The following TMTC1 variants were observed in gnomAD, a reference collection of about 807,000 sequenced individuals.
TMTC1 encodes the protein transmembrane O-mannosyltransferase targeting cadherins 1.
Under a neutral mutation model 104.8 loss-of-function variants are expected in TMTC1, and 73 were observed. The observed-to-expected ratio is 0.70, with a 90% CI of 0.58 to 0.85. TMTC1 has a LOEUF of 0.85. Among genes scored for constraint, TMTC1 ranks in the 40% least tolerant of loss-of-function variants. The pLI is 0.00. For missense variants in TMTC1, 1,035 were observed against 1,096.1 expected, an observed-to-expected ratio of 0.94 and a Z score of 0.79; for synonymous variants, 434 against 428.7, an observed-to-expected ratio of 1.01 and a Z score of -0.15.
intron 12 of TMTC1, 140 bp downstream of exon 12, chr12:29,520,478 G>A (rs746266966): frequency 4.2e-5 from 29 of 689,418 alleles, no homozygotes; most frequent in South Asian, 3.9e-4. Context: ...TGACAGCCCC[G>A]AGGTATAATG....
chr12:29,711,297 A>G (rs987129998), intron 5 of TMTC1, among the ~76,000 whole-genome samples: 1 of 152,138 alleles, frequency 6.6e-6, no homozygotes, highest in African/African-American at 2.4e-5. Flanking sequence ...TGTTTTTAAC[A>G]GGTAAGAAAG....
intron 5 of TMTC1, chr12:29,666,384 ATT>A (rs1376039384): frequency 3.3e-6 from 1 of 302,340 alleles, no homozygotes; most frequent in South Asian, 2.7e-5. Context: ...TGCCTGGCTA[ATT>A]TTTTTTTTGT....
chr12:29,683,684 A>C (rs922321926), intron 5 of TMTC1, among the ~76,000 whole-genome samples: 1 of 152,210 alleles, frequency 6.6e-6, no homozygotes, highest in Non-Finnish European at 1.5e-5. Context: ...CACAAAAAGC[A>C]GAAAATCCCA....
chr12:29,588,403 C>G (rs1249156015), intron 7 of TMTC1, among the ~76,000 whole-genome samples: 1 of 152,192 alleles, frequency 6.6e-6, no homozygotes, highest in Non-Finnish European at 1.5e-5. Context: ...AGTGGCTGCT[C>G]AAGTTCATAA....
At chr12:29,599,831 C>G (rs1283961251) in intron 7 of TMTC1, among the ~76,000 whole-genome samples, 2 of 151,682 alleles carry the variant, frequency 1.3e-5, no homozygotes. Flanking sequence ...CAACACAGAG[C>G]TTTTGCGTAA....
At chr12:29,514,368 A>T in intron 16 of TMTC1, 114 bp downstream of exon 16, 1 of 1,168,266 alleles carries the variant, frequency 8.6e-7, no homozygotes, top group Non-Finnish European at 1.2e-6. Context: ...CACTCACTCC[A>T]TAAACATACA....
chr12:29,660,282 G>A (rs900794856), intron 5 of TMTC1, among the ~76,000 whole-genome samples: 5 of 152,284 alleles, frequency 3.3e-5, no homozygotes, highest in South Asian at 2.1e-4. Context: ...AGAGGCCCTC[G>A]GGGATGAGAT....
At chr12:29,524,857 C>T (rs1274056224) in intron 11 of TMTC1, among the ~76,000 whole-genome samples, 1 of 152,128 alleles carries the variant, frequency 6.6e-6, no homozygotes, top group Non-Finnish European at 1.5e-5. Flanking sequence ...AAAGTTATAC[C>T]TCATGATGTA....
chr12:29,678,033 T>C (rs1447883199), intron 5 of TMTC1, among the ~76,000 whole-genome samples: 1 of 152,152 alleles, frequency 6.6e-6, no homozygotes, highest in African/African-American at 2.4e-5. Context: ...TTGATACGTA[T>C]CCCCCACAGA....
intron 10 of TMTC1, among the ~76,000 whole-genome samples, chr12:29,541,140 G>A (rs1944786062): frequency 6.6e-6 from 1 of 152,088 alleles, no homozygotes; most frequent in Non-Finnish European, 1.5e-5. Flanking sequence ...GTTACATTTT[G>A]TTTCTACAGT....
At position 29,783,570 on chromosome 12, in the gene TMTC1, G is replaced by A. The variant is rs908750369; in HGVS notation, c.182C>T (p.Pro61Leu). 67 of 1,484,000 alleles carry A rather than the reference G, an allele frequency of 4.5e-5. No individual in the cohort carries two copies. Among genetic ancestry groups the A allele is most frequent in the Non-Finnish European group, 5.4e-5 (61 of 1,121,110 alleles). The allele number at this position is 1,484,000 out of a possible 1,614,324, so 91.9% of individuals were successfully genotyped here. Residue 61 changes from proline to leucine, a missense_variant, in exon 1 of 18, where the codon CCC becomes CTC. Transcript: ENST00000539277. The surrounding 1 kb of genome is among the most constrained non-coding windows in gnomAD (Gnocchi z 4.7). The part of the protein sequence containing the change: ...HDDVWAIVNN[P>L]DVRPGAPLRW... ...GAGCGGGGCGCCGGGCCGCACGTCG[G>A]GGTTGTTCACGATCGCCCACACGTC...
At chr12:29,578,544 C>T (rs909801526) in intron 8 of TMTC1, among the ~76,000 whole-genome samples, 6 of 152,072 alleles carry the variant, frequency 3.9e-5, no homozygotes, top group African/African-American at 1.4e-4. Context: ...AACGCGAAAC[C>T]CTGTTAATAA....
chr12:29,674,401 T>C (rs1373956129), intron 5 of TMTC1, among the ~76,000 whole-genome samples: 1 of 145,704 alleles, frequency 6.9e-6, no homozygotes, highest in African/African-American at 2.6e-5. Flanking sequence ...CTATGGCCTA[T>C]CCTTCAAGAC....
chr12:29,784,463 C>T (rs563581031), upstream of TMTC1: 44 of 152,156 alleles, frequency 2.9e-4, 1 homozygote, highest in African/African-American at 8.0e-4. Context: ...TTCTCTCACC[C>T]GCCCGGCGCG....
At chr12:29,521,152 A>T (rs550869528) in intron 11 of TMTC1, 1 of 169,974 alleles carries the variant, frequency 5.9e-6, no homozygotes, top group Non-Finnish European at 1.2e-5. Flanking sequence ...CAGTCTGGGG[A>T]ATTTGTTTTC....
At chr12:29,605,571 T>TAAAAAA (rs34353381) in intron 6 of TMTC1, among the ~76,000 whole-genome samples, 4 of 101,886 alleles carry the variant, frequency 3.9e-5, no homozygotes, top group African/African-American at 6.9e-5. Flanking sequence ...CCAAAAAGGG[T>TAAAAAA]AAAAAAAAAA....
intron 9 of TMTC1, among the ~76,000 whole-genome samples, chr12:29,557,408 G>A (rs781646902): frequency 7.2e-5 from 11 of 152,150 alleles, no homozygotes; most frequent in Non-Finnish European, 1.6e-4. Context: ...GATGCTGAGC[G>A]ATCCTTTGAG....
intron 6 of TMTC1, among the ~76,000 whole-genome samples, chr12:29,612,617 G>T (rs2136432379): frequency 6.6e-6 from 1 of 152,148 alleles, no homozygotes; most frequent in Admixed American, 6.5e-5. Context: ...TTTCCACCAT[G>T]TTGGCCAAGC....
intron 7 of TMTC1, among the ~76,000 whole-genome samples, chr12:29,600,211 C>A (rs956819256): frequency 1.4e-4 from 21 of 151,954 alleles, no homozygotes; most frequent in African/African-American, 5.1e-4. Flanking sequence ...AGTGCTCTGA[C>A]ACATCCACGG....
Sources: allele counts gnomAD v4.1 joint callset (sites outside exome capture counted in the v4.1 genomes callset), GRCh38; gene constraint gnomAD v4.1.1; non-coding constraint Gnocchi (gnomAD v3.1); transcripts MANE v1.5; gene names NCBI Gene and HGNC (gene_info 2026-07-23, HGNC 2026-07-21).